PUS10: variants seen among roughly 807,000 people sequenced by gnomAD.
PUS10 encodes tRNA pseudouridine synthase Pus10.
A neutral mutation model predicts 75.0 loss-of-function variants in PUS10; 59 were observed. That is an observed-to-expected ratio of 0.79 (90% CI 0.64 to 0.98). The LOEUF (loss-of-function observed/expected upper bound fraction) is 0.98. PUS10 is among the 50% of genes least tolerant of loss of function. PUS10 has a pLI of 0.00. For missense variants in PUS10, 650 were observed against 614.4 expected (o/e 1.06, Z -0.61); for synonymous variants, 219 against 211.6 (o/e 1.03, Z -0.30).
At chr2:61,016,542 G>A (rs1399599860) in intron 1 of PUS10, among the ~76,000 whole-genome samples, 1 of 152,156 alleles carries the variant, frequency 6.6e-6, no homozygotes, top group Non-Finnish European at 1.5e-5. Context: ...TTACCCTCAA[G>A]ATGTTTGCTT....
At chr2:60,978,784 C>T (rs180787420) in intron 4 of PUS10, among the ~76,000 whole-genome samples, 64 of 152,242 alleles carry the variant, frequency 4.2e-4, no homozygotes, top group East Asian at 4.0e-3. Flanking sequence ...GAAGATTTGT[C>T]GTAAACTAAA....
chr2:60,978,230 T>C (rs1677156921), intron 4 of PUS10, among the ~76,000 whole-genome samples: 1 of 151,898 alleles, frequency 6.6e-6, no homozygotes, highest in Non-Finnish European at 1.5e-5. Flanking sequence ...AAGACCACCC[T>C]GGCCAACATG....
intron 8 of PUS10, among the ~76,000 whole-genome samples, chr2:60,963,254 C>T (rs540198342): frequency 6.6e-6 from 1 of 152,262 alleles, no homozygotes; most frequent in South Asian, 2.1e-4. Flanking sequence ...TTTCCCTTGA[C>T]TTCAACAGGA....
chr2:60,988,702 C>T (rs2104545515), intron 4 of PUS10, among the ~76,000 whole-genome samples: 1 of 152,238 alleles, frequency 6.6e-6, no homozygotes, highest in Middle Eastern at 3.4e-3. Context: ...ACGGTGCAAT[C>T]TCGGCTCACT....
At chr2:60,956,480 G>A (rs1426682292) in intron 11 of PUS10, among the ~76,000 whole-genome samples, 2 of 152,132 alleles carry the variant, frequency 1.3e-5, no homozygotes, top group Non-Finnish European at 2.9e-5. Flanking sequence ...AGGGGTGAAG[G>A]GAATGAACAG....
intron 4 of PUS10, among the ~76,000 whole-genome samples, chr2:60,982,454 G>A (rs1368603407): frequency 6.6e-6 from 1 of 151,970 alleles, no homozygotes; most frequent in Admixed American, 6.6e-5. Context: ...GTAGAGGCAG[G>A]GTTTTGCAAT....
At position 60,960,524 on chromosome 2, in the gene PUS10, A is replaced by C; in HGVS notation, c.875-7T>G. ...GAGTATTTATTATATCTCCCTGAGA[A>C]AGAAATAATCAGATAGCCTGGATGG... is the stretch of plus-strand genomic sequence containing the variant. On this transcript the variant is annotated splice_polypyrimidine_tract_variant and splice_region_variant and intron_variant, in intron 10 of 17. Coordinates refer to ENST00000316752, the MANE Select transcript of PUS10 (RefSeq NM_144709.4). The C allele has an allele frequency of 6.4e-7, 1 of 1,568,474 alleles. No individual in the cohort carries two copies. The highest frequency in any genetic ancestry group is 8.6e-7 in the Non-Finnish European group (1 of 1,163,650).
chr2:60,992,011 A>G (rs1573479784), intron 4 of PUS10, among the ~76,000 whole-genome samples: 2 of 146,772 alleles, frequency 1.4e-5, no homozygotes, highest in South Asian at 4.3e-4. Flanking sequence ...CAACAGAAGC[A>G]CTTTTTTTTT....
chr2:60,960,253 C>T (rs1362178950), intron 11 of PUS10, 139 bp downstream of exon 11: 4 of 534,708 alleles, frequency 7.5e-6, no homozygotes, highest in African/African-American at 6.2e-5. Flanking sequence ...CCAAGGTGGG[C>T]AGATCGTTTG....
At chr2:60,974,211 C>CTTT (rs35241132) in intron 4 of PUS10, among the ~76,000 whole-genome samples, 8 of 96,110 alleles carry the variant, frequency 8.3e-5, no homozygotes, top group African/African-American at 2.9e-4. Context: ...GATAAAGCTC[C>CTTT]TTTTTTTTTT....
At chr2:60,986,827 A>C (rs1252236489) in intron 4 of PUS10, among the ~76,000 whole-genome samples, 1 of 152,228 alleles carries the variant, frequency 6.6e-6, no homozygotes, top group Non-Finnish European at 1.5e-5. Flanking sequence ...AACTGGGTTC[A>C]AGCTCTCTCT....
chr2:60,971,010 T>C (rs1467638675), intron 5 of PUS10, among the ~76,000 whole-genome samples: 2 of 151,878 alleles, frequency 1.3e-5, no homozygotes. Flanking sequence ...TGAAACCCCA[T>C]CTCTACTAAA....
intron 11 of PUS10, among the ~76,000 whole-genome samples, chr2:60,956,150 C>T (rs1000246231): frequency 6.6e-6 from 1 of 151,958 alleles, no homozygotes; most frequent in Non-Finnish European, 1.5e-5. Context: ...TAGAACTAGG[C>T]CAGGCAGGAT....
chr2:61,015,499 A>C (rs1425416047), intron 1 of PUS10, among the ~76,000 whole-genome samples: 1 of 152,138 alleles, frequency 6.6e-6, no homozygotes, highest in African/African-American at 2.4e-5. Context: ...GGAGATCGAG[A>C]CCATCCTGGC....
intron 16 of PUS10, among the ~76,000 whole-genome samples, chr2:60,947,207 GTT>G (rs1674996287): frequency 6.6e-6 from 1 of 151,880 alleles, no homozygotes; most frequent in Non-Finnish European, 1.5e-5. Context: ...CATCTGAATC[GTT>G]TTGTTTTTGT....
intron 3 of PUS10, among the ~76,000 whole-genome samples, chr2:61,007,611 A>G (rs1281663393): frequency 2.0e-5 from 3 of 151,988 alleles, no homozygotes; most frequent in Non-Finnish European, 4.4e-5. Context: ...TCTACTAAAA[A>G]TACAAAAATC....
In PUS10 at chr2:60,985,938, CAAAAAAAAA is replaced by C. The variant is rs59173202; in HGVS notation, c.469-14390_469-14382del. Among the ~76,000 whole-genome samples the C allele has an allele frequency of 7.3e-5, 6 of 82,144 alleles. No homozygotes were observed. In the South Asian group the frequency reaches 1.4e-3, roughly 19 times the overall value. 53.9% of individuals were successfully genotyped at this position (82,144 alleles called of 152,430 possible). A position where few individuals can be genotyped will look rare whatever the true frequency, so the allele number is the denominator to read the frequency against. On this transcript the variant is annotated intron_variant, in intron 4 of 17. Coordinates refer to ENST00000316752, the MANE Select transcript of PUS10 (RefSeq NM_144709.4). ...TGTTATAGGAGAAACCAGACTTCAC[CAAAAAAAAA>C]AAAAAAAAAAAAAAAGTTACTTCTA...
At chr2:60,989,041 G>A (rs759015819) in intron 4 of PUS10, among the ~76,000 whole-genome samples, 2 of 152,124 alleles carry the variant, frequency 1.3e-5, no homozygotes, top group Non-Finnish European at 2.9e-5. Context: ...GCAGGGAATA[G>A]CAACAATTTG....
At chr2:60,963,306 C>T (rs1466942107) in intron 8 of PUS10, among the ~76,000 whole-genome samples, 1 of 152,194 alleles carries the variant, frequency 6.6e-6, no homozygotes, top group Non-Finnish European at 1.5e-5. Context: ...TACATCCCTT[C>T]AGAGGCCACA....
Sources: gnomAD v4.1 joint callset for allele counts (sites outside exome capture counted in the v4.1 genomes callset) on GRCh38, gnomAD v4.1.1 for gene constraint, MANE v1.5 for transcripts, NCBI Gene and HGNC (gene_info 2026-07-23, HGNC 2026-07-21) for gene names.